NUBPL: variants seen among roughly 807,000 people sequenced by gnomAD.
NUBPL encodes iron-sulfur cluster transfer protein NUBPL.
Under a neutral mutation model 45.7 loss-of-function variants are expected in NUBPL, and 31 were observed. That is an observed-to-expected ratio of 0.68 (90% CI 0.51 to 0.92). The LOEUF (loss-of-function observed/expected upper bound fraction) is 0.92. Among genes scored for constraint, NUBPL ranks in the 40% least tolerant of loss-of-function variants. NUBPL has a pLI of 0.00. For missense variants in NUBPL, 401 were observed against 398.7 expected, an observed-to-expected ratio of 1.01 and a Z score of -0.05; for synonymous variants, 144 against 140.9, an observed-to-expected ratio of 1.02 and a Z score of -0.15.
At chr14:31,724,763 G>C (rs1864911419) in intron 6 of NUBPL, among the ~76,000 whole-genome samples, 1 of 152,142 alleles carries the variant, frequency 6.6e-6, no homozygotes, top group Admixed American at 6.6e-5. Flanking sequence ...GTACATTTTG[G>C]TGGTAGAGAC....
chr14:31,636,000 T>G (rs1302883280), intron 4 of NUBPL, among the ~76,000 whole-genome samples: 4 of 152,196 alleles, frequency 2.6e-5, no homozygotes, highest in Non-Finnish European at 5.9e-5. Flanking sequence ...GCTGAGACAA[T>G]GGGGTTTTCT....
chr14:31,599,236 C>A, intron 3 of NUBPL, 53 bp from the exon 4 acceptor site: 1 of 1,340,038 alleles, frequency 7.5e-7, no homozygotes, highest in Non-Finnish European at 1.1e-6. Flanking sequence ...TGGGAACAAT[C>A]TTATGGTAAA....
Position 31,859,176 on chromosome 14 carries a change from A to C in NUBPL, c.956A>C (p.Glu319Ala), listed in dbSNP as rs563851669. The C allele has an allele frequency of 6.8e-6, 11 of 1,613,762 alleles. No individual in the cohort carries two copies. In the Admixed American group the frequency reaches 1.8e-4, roughly 27 times the overall value. ...GTAAGAAGATTGCCATCACCTTCAG[A>C]ATGATTCCCCAAGTGTCCTGGAAAT... is the stretch of plus-strand genomic sequence containing the variant. Reference protein sequence around the residue: ...EVVRRLPSPSE With the variant: ...EVVRRLPSPSA The change falls in exon 11 of 11, where the codon GAA (glutamate) becomes GCA (alanine). Residue 319 changes from glutamate (E) to alanine (A), a missense_variant. Physicochemically the swap from Glu to Ala is moderately radical, Grantham distance 107. Coordinates refer to ENST00000281081, the MANE Select transcript of NUBPL (RefSeq NM_025152.3).
At chr14:31,788,878 C>T (rs1034334067) in intron 7 of NUBPL, among the ~76,000 whole-genome samples, 1 of 152,166 alleles carries the variant, frequency 6.6e-6, no homozygotes, top group Non-Finnish European at 1.5e-5. Context: ...TCTAACACTT[C>T]ACAGAGGTGG....
chr14:31,700,117 A>G (rs1433606473), intron 6 of NUBPL, among the ~76,000 whole-genome samples: 1 of 152,238 alleles, frequency 6.6e-6, no homozygotes, highest in Non-Finnish European at 1.5e-5. Flanking sequence ...ATTGTTATAC[A>G]GTATTCATTA....
chr14:31,711,213 T>C (rs8021092), intron 6 of NUBPL, among the ~76,000 whole-genome samples: 46,445 of 151,984 alleles, frequency 0.31, 7,743 homozygotes, highest in South Asian at 0.41. Flanking sequence ...TGTCGACCCT[T>C]GGCTCGGCCC....
At chr14:31,700,501 C>A (rs762175197) in intron 6 of NUBPL, among the ~76,000 whole-genome samples, 1 of 152,118 alleles carries the variant, frequency 6.6e-6, no homozygotes, top group Non-Finnish European at 1.5e-5. Context: ...TCTGGGCTGG[C>A]CAAGGCTGCA....
chr14:31,702,087 A>G (rs967663982), intron 6 of NUBPL, among the ~76,000 whole-genome samples: 2 of 152,214 alleles, frequency 1.3e-5, no homozygotes, highest in African/African-American at 4.8e-5. Flanking sequence ...GAAAGATGTT[A>G]TACTCACACT....
At chr14:31,640,099 C>A (rs538956788) in intron 4 of NUBPL, among the ~76,000 whole-genome samples, 1 of 152,140 alleles carries the variant, frequency 6.6e-6, no homozygotes, top group African/African-American at 2.4e-5. Context: ...CACTCTCCTG[C>A]GCCCACTGTC....
intron 7 of NUBPL, among the ~76,000 whole-genome samples, chr14:31,822,197 G>T (rs1051021655): frequency 1.3e-5 from 2 of 151,910 alleles, no homozygotes; most frequent in Admixed American, 6.6e-5. Flanking sequence ...TAATTGTATT[G>T]GTTATAACAC....
At chr14:31,679,099 C>T (rs937859480) in intron 6 of NUBPL, among the ~76,000 whole-genome samples, 1 of 152,208 alleles carries the variant, frequency 6.6e-6, no homozygotes, top group East Asian at 1.9e-4. Flanking sequence ...CAAAGTCTCA[C>T]AGTTGCTGCA....
At position 31,860,127 on chromosome 14, in the gene NUBPL, AC is replaced by A. The variant is rs2040689670; in HGVS notation, c.*951del. The A allele has an allele frequency of 6.6e-6, 1 of 151,768 alleles. No homozygotes were observed. The highest frequency in any genetic ancestry group is 2.4e-5 in the African/African-American group (1 of 41,262). The allele number at this position is 151,768 out of a possible 1,614,324, so 9.4% of individuals were successfully genotyped here. ...AGACCAGCCTGACCAACATGGTGAA[AC>A]CCCGTCTCTACTAAAAATACAAAAA... is the stretch of plus-strand genomic sequence containing the variant. On this transcript the variant is annotated 3_prime_UTR_variant, in exon 11 of 11. Transcript: ENST00000281081.
At chr14:31,596,900 T>C (rs1015197174) in intron 3 of NUBPL, among the ~76,000 whole-genome samples, 2 of 152,242 alleles carry the variant, frequency 1.3e-5, no homozygotes, top group Admixed American at 6.5e-5. Context: ...CCAGAAGGAA[T>C]TCAAAAAATG....
intron 6 of NUBPL, among the ~76,000 whole-genome samples, chr14:31,742,098 C>A (rs1446008661): frequency 6.6e-6 from 1 of 152,004 alleles, no homozygotes; most frequent in Non-Finnish European, 1.5e-5. Context: ...ATAGGAAACC[C>A]ATATTAAAAT....
intron 4 of NUBPL, among the ~76,000 whole-genome samples, chr14:31,664,817 G>C (rs2036365360): frequency 1.3e-5 from 2 of 152,204 alleles, no homozygotes; most frequent in African/African-American, 4.8e-5. Flanking sequence ...AATGGTAGCA[G>C]CTCCTCTTTG....
chr14:31,786,576 T>C (rs1358303419), intron 6 of NUBPL, among the ~76,000 whole-genome samples: 1 of 152,236 alleles, frequency 6.6e-6, no homozygotes, highest in East Asian at 1.9e-4. Flanking sequence ...TTGTAACTTC[T>C]GTGAGGGCAG....
At chr14:31,760,868 T>C (rs554833704) in intron 6 of NUBPL, among the ~76,000 whole-genome samples, 1 of 151,396 alleles carries the variant, frequency 6.6e-6, no homozygotes, top group African/African-American at 2.5e-5. Flanking sequence ...AGCTAGGGTC[T>C]TACTCTGTTG....
At chr14:31,727,247 G>A (rs1228202591) in intron 6 of NUBPL, among the ~76,000 whole-genome samples, 6 of 152,170 alleles carry the variant, frequency 3.9e-5, no homozygotes, top group Non-Finnish European at 8.8e-5. Context: ...ATGCTCTTAC[G>A]TATTTCTAAT....
At chr14:31,852,443 C>A (rs916241001) in intron 10 of NUBPL, among the ~76,000 whole-genome samples, 1 of 152,050 alleles carries the variant, frequency 6.6e-6, no homozygotes, top group African/African-American at 2.4e-5. Context: ...GAGGCTGAGG[C>A]GGGCAGATCA....
Sources: allele counts gnomAD v4.1 joint callset (sites outside exome capture counted in the v4.1 genomes callset), GRCh38; gene constraint gnomAD v4.1.1; transcripts MANE v1.5; gene names NCBI Gene and HGNC (gene_info 2026-07-23, HGNC 2026-07-21).